Variants in DESI1 observed in about 807,000 individuals in gnomAD.
DESI1 encodes desumoylating isopeptidase 1, also known as PPPDE peptidase domain containing 2.
Under a neutral mutation model 22.4 loss-of-function variants are expected in DESI1, and 17 were observed. That is an observed-to-expected ratio of 0.76 (90% confidence interval 0.52 to 1.14). The LOEUF is 1.14. Among genes scored for constraint, DESI1 ranks in the 50% most tolerant of loss-of-function variants. DESI1 has a pLI of 0.00. For synonymous variants in DESI1, 92 were observed against 84.2 expected (o/e 1.09, Z -0.51); for missense variants, 177 against 208.9 (o/e 0.85, Z 0.94).
chr22:41,600,796 T>C lies in DESI1; in HGVS notation c.*301A>G. 3.3e-6 allele frequency: 1 copy of C among 304,308 alleles called. No homozygotes were observed. The highest frequency in any genetic ancestry group is 6.3e-6 in the Non-Finnish European group (1 of 159,112). 18.9% of individuals were successfully genotyped at this position (304,308 alleles called of 1,614,324 possible). A position where few individuals can be genotyped will look rare whatever the true frequency, so the allele number is the denominator to read the frequency against. On this transcript the variant is annotated 3_prime_UTR_variant, in exon 6 of 6. Coordinates refer to ENST00000263256, the MANE Select transcript of DESI1 (RefSeq NM_015704.3). ...CGCAAACTGTGACTCGCTTTCTGTT[T>C]AAACAAAGCCCCTCCCTTTCTCCAG... is the stretch of plus-strand genomic sequence containing the variant.
At chr22:41,605,401 G>A (rs1035056301) in intron 3 of DESI1, among the ~76,000 whole-genome samples, 2 of 152,112 alleles carry the variant, frequency 1.3e-5, no homozygotes, top group Non-Finnish European at 2.9e-5. Context: ...GGGAAGCAAC[G>A]GGATCAGCAG....
In DESI1 at chr22:41,600,053, C is replaced by G. The variant is rs1470998561; in HGVS notation, c.*1044G>C. The G allele has an allele frequency of 1.3e-5, 2 of 151,978 alleles. No individual in the cohort carries two copies. Among genetic ancestry groups the G allele is most frequent in the African/African-American group, 4.8e-5 (2 of 41,406 alleles). 9.4% of individuals were successfully genotyped at this position (151,978 alleles called of 1,614,324 possible). On this transcript the variant is annotated 3_prime_UTR_variant, in exon 6 of 6. Coordinates refer to ENST00000263256, the MANE Select transcript of DESI1 (RefSeq NM_015704.3). ...AATTAGCCTGGCGTGGTGGCACGCA[C>G]CTGTAATCCCAGCTACTCAGGAGGC... is the stretch of plus-strand genomic sequence containing the variant.
Position 41,600,964 on chromosome 22 carries a change from T to C in DESI1, c.*133A>G. 1.2e-6 allele frequency: 1 copy of C among 819,136 alleles called. No individual in the cohort carries two copies. The highest frequency in any genetic ancestry group is 1.6e-5 in the South Asian group (1 of 62,578). The allele number at this position is 819,136 out of a possible 1,614,324, so 50.7% of individuals were successfully genotyped here. A position where few individuals can be genotyped will look rare whatever the true frequency, so the allele number is the denominator to read the frequency against. On this transcript the variant is annotated 3_prime_UTR_variant, in exon 6 of 6. Transcript: ENST00000263256. ...TCTACATGCGGCCTGACGGTCTCCTTCCCTGGGAAATTTAAAAAGCCGTCC... is the reference window on the plus strand; with the variant it reads ...TCTACATGCGGCCTGACGGTCTCCTCCCCTGGGAAATTTAAAAAGCCGTCC...
At chr22:41,614,898 C>CT (rs978393450) in intron 1 of DESI1, among the ~76,000 whole-genome samples, 21 of 141,858 alleles carry the variant, frequency 1.5e-4, no homozygotes, top group Admixed American at 2.8e-4. Context: ...TTTTCTTCTT[C>CT]TTTTTTTTTT....
In DESI1 at chr22:41,603,462, T is replaced by C. The variant is rs1202789202; in HGVS notation, c.291-81A>G. 4.4e-6 allele frequency: 7 copies of C among 1,595,296 alleles called. No individual in the cohort carries two copies. The East Asian group carries it at 1.3e-4, about 31-fold the overall frequency. ...GAATAACTCAAGCTAGGCAGTGGAA[T>C]GGTGAGCACAGCTCAATGTGAGGAT... On this transcript the variant is annotated intron_variant, in intron 4 of 5. Coordinates refer to ENST00000263256, the MANE Select transcript of DESI1 (RefSeq NM_015704.3).
chr22:41,609,937 G>A lies in DESI1; in HGVS notation c.89-2076C>T, dbSNP rs189134265. On this transcript the variant is annotated intron_variant, in intron 1 of 5. Transcript: ENST00000263256. ...TTCTACTAAAAACACAAAATTAGCC[G>A]GGCATGGTAGTGCATGCCTATAGTC... Among the ~76,000 whole-genome samples the A allele has an allele frequency of 5.2e-4, 79 of 150,842 alleles. 1 individual carries two copies. The highest frequency in any genetic ancestry group is 6.9e-3 in the Middle Eastern group (2 of 290).
intron 4 of DESI1, 49 bp downstream of exon 4, chr22:41,603,995 C>T (rs747251825): frequency 2.0e-5 from 31 of 1,545,296 alleles, no homozygotes; most frequent in Non-Finnish European, 2.6e-5. Flanking sequence ...GGGTTATTAT[C>T]TAGCTGGGGA....
chr22:41,606,355 C>CG (rs2067480429), intron 3 of DESI1, among the ~76,000 whole-genome samples: 1 of 114,082 alleles, frequency 8.8e-6, no homozygotes, highest in African/African-American at 3.0e-5. Context: ...GACCCCGTCT[C>CG]AAAAAAAAAA....
chr22:41,609,161 C>T (rs550481415), intron 1 of DESI1, among the ~76,000 whole-genome samples: 4 of 152,198 alleles, frequency 2.6e-5, no homozygotes, highest in South Asian at 2.1e-4. Context: ...AGGCTGGTCT[C>T]GAACTCCTCG....
chr22:41,606,035 C>G (rs1309214532), intron 3 of DESI1, among the ~76,000 whole-genome samples: 1 of 152,048 alleles, frequency 6.6e-6, no homozygotes, highest in Non-Finnish European at 1.5e-5. Flanking sequence ...AGAGGCTGGC[C>G]AGAGTCAGAG....
chr22:41,602,941 G>A, intron 5 of DESI1: 3 of 587,890 alleles, frequency 5.1e-6, no homozygotes, highest in Non-Finnish European at 7.4e-6. Flanking sequence ...GGGTGCTTCT[G>A]GGGAGTGGCA....
At chr22:41,613,381 T>C (rs2067529850) in intron 1 of DESI1, among the ~76,000 whole-genome samples, 1 of 152,256 alleles carries the variant, frequency 6.6e-6, no homozygotes, top group Admixed American at 6.5e-5. Flanking sequence ...CAATAAAGGC[T>C]AACTCATTTC....
Position 41,600,961 on chromosome 22 carries a change from C to G in DESI1, c.*136G>C, listed in dbSNP as rs2067446424. The stretch of plus-strand genomic sequence containing the variant: ...TTGTCTACATGCGGCCTGACGGTCT[C>G]CTTCCCTGGGAAATTTAAAAAGCCG... On this transcript the variant is annotated 3_prime_UTR_variant, in exon 6 of 6. Transcript: ENST00000263256. The G allele has an allele frequency of 1.3e-6, 1 of 792,246 alleles. No individual in the cohort carries two copies. Among genetic ancestry groups the G allele is most frequent in the East Asian group, 2.7e-5 (1 of 37,140 alleles). The allele number at this position is 792,246 out of a possible 1,614,324, so 49.1% of individuals were successfully genotyped here. A position where few individuals can be genotyped will look rare whatever the true frequency, so the allele number is the denominator to read the frequency against.
intron 3 of DESI1, among the ~76,000 whole-genome samples, 161 bp downstream of exon 3, chr22:41,607,101 G>A (rs1270543361): frequency 6.6e-6 from 1 of 152,176 alleles, no homozygotes; most frequent in Non-Finnish European, 1.5e-5. Flanking sequence ...ACAGAGAGGA[G>A]AGGAACTGGC....
At chr22:41,618,735 A>G (rs1460600870) in intron 1 of DESI1, among the ~76,000 whole-genome samples, 1 of 152,148 alleles carries the variant, frequency 6.6e-6, no homozygotes, top group Non-Finnish European at 1.5e-5. Context: ...AAAACAAACA[A>G]CTAAATGGCT....
At position 41,604,101 on chromosome 22, in the gene DESI1, T is replaced by A; in HGVS notation, c.233A>T (p.Glu78Val). The A allele has an allele frequency of 1.2e-6, 2 of 1,613,936 alleles. No homozygotes were observed. The highest frequency in any genetic ancestry group is 1.7e-6 in the Non-Finnish European group (2 of 1,180,006). Reference protein sequence around the residue: ...PDSVVDVGSTEVTEEIFLEYL... With the variant: ...PDSVVDVGSTVVTEEIFLEYL... Reference sequence around the variant, plus strand: ...CTCCAGAAAGATTTCTTCTGTGACTTCTGTACTCCCCACATCAACCACAGA... The same window carrying A: ...CTCCAGAAAGATTTCTTCTGTGACTACTGTACTCCCCACATCAACCACAGA... The change falls in exon 4 of 6, where the codon GAA (glutamate) becomes GTA (valine). Residue 78 changes from glutamate to valine, a missense_variant. Physicochemically the swap from Glu to Val is moderately radical, Grantham distance 121. Transcript: ENST00000263256.
chr22:41,600,804 G>T lies in DESI1; in HGVS notation c.*293C>A. 3.1e-6 allele frequency: 1 copy of T among 320,622 alleles called. No homozygotes were observed. Among genetic ancestry groups the T allele is most frequent in the East Asian group, 7.7e-5 (1 of 12,992 alleles). 19.9% of individuals were successfully genotyped at this position (320,622 alleles called of 1,614,324 possible). A position where few individuals can be genotyped will look rare whatever the true frequency, so the allele number is the denominator to read the frequency against. Reference sequence around the variant, plus strand: ...GTGACTCGCTTTCTGTTTAAACAAAGCCCCTCCCTTTCTCCAGTGTGGAGG... The same window carrying T: ...GTGACTCGCTTTCTGTTTAAACAAATCCCCTCCCTTTCTCCAGTGTGGAGG... On this transcript the variant is annotated 3_prime_UTR_variant, in exon 6 of 6. Transcript: ENST00000263256.
At chr22:41,608,795 G>A (rs1282164770) in intron 1 of DESI1, among the ~76,000 whole-genome samples, 6 of 152,156 alleles carry the variant, frequency 3.9e-5, no homozygotes, top group African/African-American at 1.4e-4. Context: ...GTCCATGAGA[G>A]ATACTCTACA....
intron 1 of DESI1, among the ~76,000 whole-genome samples, chr22:41,618,207 A>G (rs1697176808): frequency 1.3e-5 from 2 of 152,128 alleles, no homozygotes; most frequent in South Asian, 2.1e-4. Flanking sequence ...TACTAAAAAT[A>G]TAAAAATCAG....
Sources: allele counts gnomAD v4.1 joint callset (sites outside exome capture counted in the v4.1 genomes callset), GRCh38; gene constraint gnomAD v4.1.1; transcripts MANE v1.5; gene names NCBI Gene and HGNC (gene_info 2026-07-23, HGNC 2026-07-21).